GSTO1: variants seen among roughly 807,000 people sequenced by gnomAD.
GSTO1 encodes the protein glutathione S-transferase omega-1.
Under a neutral mutation model 23.8 loss-of-function variants are expected in GSTO1, and 27 were observed. The ratio of observed to expected loss-of-function variants is 1.13; its 90% confidence interval spans 0.83 to 1.56. The LOEUF is 1.56. Ranked by LOEUF, GSTO1 falls within the 40% of genes most tolerant of loss-of-function variation. GSTO1 has a pLI of 0.00. For missense variants in GSTO1, 255 were observed against 285.8 expected, an observed-to-expected ratio of 0.89 and a Z score of 0.78; for synonymous variants, 105 against 109.3, an observed-to-expected ratio of 0.96 and a Z score of 0.25.
chr10:104,265,033 G>T (rs186807592), intron 4 of GSTO1, among the ~76,000 whole-genome samples: 1 of 152,302 alleles, frequency 6.6e-6, no homozygotes, highest in East Asian at 1.9e-4. Context: ...AGTTTTTACT[G>T]AATGCTTGCT....
At chr10:104,259,947 G>A (rs1331364954) in intron 3 of GSTO1, 149 bp downstream of exon 3, 2 of 621,948 alleles carry the variant, frequency 3.2e-6, no homozygotes, top group Non-Finnish European at 2.9e-6. Context: ...GTCCTTTCAC[G>A]ATCCAGTTCC....
intron 2 of GSTO1, among the ~76,000 whole-genome samples, chr10:104,258,772 C>T (rs2011113342): frequency 6.6e-6 from 1 of 152,024 alleles, no homozygotes; most frequent in Admixed American, 6.6e-5. Flanking sequence ...CGCTTTAGCC[C>T]AGGAGGTCGA....
chr10:104,267,139 A>C, intron 5 of GSTO1, 113 bp from the exon 6 acceptor site: 2 of 599,482 alleles, frequency 3.3e-6, no homozygotes, highest in Admixed American at 3.3e-5. Context: ...ATTTTTAATG[A>C]AATATTTAAG....
intron 3 of GSTO1, among the ~76,000 whole-genome samples, chr10:104,262,615 G>A (rs1264588444): frequency 6.6e-6 from 1 of 152,228 alleles, no homozygotes; most frequent in Non-Finnish European, 1.5e-5. Flanking sequence ...AGGAGGCGGA[G>A]ACAGGAGAAT....
rs559844176 is a variant in GSTO1, at chr10:104,265,464, CACATA to C, written c.466-614_466-610del. 7.0e-3 allele frequency among the ~76,000 whole-genome samples: 1,036 copies of C among 148,978 alleles called. 6 individuals are homozygous for C. The highest frequency in any genetic ancestry group is 0.011 in the Non-Finnish European group (759 of 68,030). On this transcript the variant is annotated intron_variant, in intron 4 of 5. Transcript: ENST00000369713. The stretch of plus-strand genomic sequence containing the variant: ...TACAAATAGTGCTGCAGTGAACATT[CACATA>C]ACATATCTTTTGGTGAACATGTGTT...
intron 4 of GSTO1, 133 bp from the exon 5 acceptor site, chr10:104,265,951 A>G (rs1015125825): frequency 2.9e-5 from 15 of 519,150 alleles, no homozygotes; most frequent in Non-Finnish European, 4.3e-5. Flanking sequence ...TTTTGATCAG[A>G]AAAAAACCCA....
Position 104,259,644 on chromosome 10 carries a change from T to G in GSTO1, c.212T>G (p.Leu71Arg). The G allele has an allele frequency of 2.5e-6, 4 of 1,613,650 alleles. No homozygotes were observed. The highest frequency in any genetic ancestry group is 3.4e-6 in the Non-Finnish European group (4 of 1,179,614). The change falls in exon 3 of 6, where the codon CTG becomes CGG. Residue 71 changes from leucine (L) to arginine (R), a missense_variant. By Grantham distance (102) the Leu-to-Arg change is moderately radical. Coordinates refer to ENST00000369713, the MANE Select transcript of GSTO1 (RefSeq NM_004832.3). ...EWFFKKNPFG[L>R]VPVLENSQGQ... ...TTCTTTAAGAAAAATCCCTTTGGTC[T>G]GGTGCCAGTTCTGGAAAACAGTCAG...
intron 4 of GSTO1, among the ~76,000 whole-genome samples, chr10:104,264,207 T>C (rs1206778544): frequency 6.6e-6 from 1 of 152,212 alleles, no homozygotes; most frequent in Non-Finnish European, 1.5e-5. Context: ...CTGGTGTCTT[T>C]AACAGGGGTA....
At chr10:104,267,054 T>C (rs2011198027) in intron 5 of GSTO1, among the ~76,000 whole-genome samples, 198 bp from the exon 6 acceptor site, 1 of 152,256 alleles carries the variant, frequency 6.6e-6, no homozygotes, top group South Asian at 2.1e-4. Context: ...CACTCTAGTC[T>C]CATTCCTTTT....
At chr10:104,263,136 C>T (rs181204431) in intron 4 of GSTO1, 59 bp downstream of exon 4, 49 of 703,502 alleles carry the variant, frequency 7.0e-5, no homozygotes, top group African/African-American at 6.4e-4. Flanking sequence ...CCCTCCTTTT[C>T]CTCCTATTCT....
chr10:104,259,195 C>G (rs1372976355), intron 2 of GSTO1, among the ~76,000 whole-genome samples: 1 of 152,228 alleles, frequency 6.6e-6, no homozygotes, highest in African/African-American at 2.4e-5. Context: ...GATATTAGCA[C>G]TCTCACGTAG....
At chr10:104,262,402 T>C (rs1458068548) in intron 3 of GSTO1, among the ~76,000 whole-genome samples, 1 of 152,112 alleles carries the variant, frequency 6.6e-6, no homozygotes, top group Admixed American at 6.6e-5. Flanking sequence ...TATGAGCCAC[T>C]CAGTCTCCTT....
Position 104,267,325 on chromosome 10 carries a change from C to A in GSTO1, c.646C>A (p.Leu216Ile). ...GGAAGATCCCACAGTCTCAGCCCTG[C>A]TTACTAGTGAGAAAGACTGGCAAGG... Reference protein sequence around the residue: ...MKEDPTVSALLTSEKDWQGFL... With the variant: ...MKEDPTVSALITSEKDWQGFL... Residue 216 changes from leucine to isoleucine, a missense_variant, in exon 6 of 6, where the codon CTT becomes ATT. Leu to Ile is a conservative substitution (Grantham distance 5). Coordinates refer to ENST00000369713, the MANE Select transcript of GSTO1 (RefSeq NM_004832.3). 1 of 1,613,380 alleles carries A rather than the reference C, an allele frequency of 6.2e-7. No homozygotes were observed.
At chr10:104,258,195 G>A (rs1026709112) in intron 2 of GSTO1, among the ~76,000 whole-genome samples, 21 of 152,190 alleles carry the variant, frequency 1.4e-4, no homozygotes, top group African/African-American at 4.6e-4. Flanking sequence ...GAAGACCTGG[G>A]AAAAGGCAGG....
chr10:104,265,784 C>T (rs2011174872), intron 4 of GSTO1, among the ~76,000 whole-genome samples: 2 of 152,112 alleles, frequency 1.3e-5, no homozygotes, highest in African/African-American at 4.8e-5. Context: ...ATTTTTCTTA[C>T]TGATTCCCAG....
chr10:104,255,856 T>C (rs1011317487), intron 2 of GSTO1, among the ~76,000 whole-genome samples: 1 of 152,236 alleles, frequency 6.6e-6, no homozygotes, highest in Non-Finnish European at 1.5e-5. Flanking sequence ...GAAACTAGCA[T>C]AGTTTTTGAC....
At chr10:104,262,930 G>A (rs1169647899) in intron 3 of GSTO1, 49 bp from the exon 4 acceptor site, 3 of 805,174 alleles carry the variant, frequency 3.7e-6, no homozygotes, top group South Asian at 3.0e-5. Flanking sequence ...TGAGGGGGCC[G>A]ATACAGTTAG....
upstream of GSTO1, chr10:104,254,791 T>G (rs1175664329): frequency 6.5e-6 from 5 of 766,596 alleles, no homozygotes; most frequent in Non-Finnish European, 1.1e-5. Context: ...GCACAACGGG[T>G]GGAGCTGGCG....
At chr10:104,262,245 T>TCACA (rs2011144235) in intron 3 of GSTO1, among the ~76,000 whole-genome samples, 1 of 152,222 alleles carries the variant, frequency 6.6e-6, no homozygotes, top group Admixed American at 6.5e-5. Flanking sequence ...TCTCAGACTC[T>TCACA]ACTTTCTGGC....
Sources: gnomAD v4.1 joint callset for allele counts (sites outside exome capture counted in the v4.1 genomes callset) on GRCh38, gnomAD v4.1.1 for gene constraint, MANE v1.5 for transcripts, NCBI Gene and HGNC (gene_info 2026-07-23, HGNC 2026-07-21) for gene names.